The following TTC39C variants were observed in gnomAD, a reference collection of about 807,000 sequenced individuals.
The protein encoded by TTC39C is tetratricopeptide repeat domain 39C, also known as tetratricopeptide repeat protein 39C.
TTC39C carries 33 observed loss-of-function variants against 76.3 expected under a neutral mutation model. The observed-to-expected ratio is 0.43, with a 90% CI of 0.33 to 0.58. The LOEUF (loss-of-function observed/expected upper bound fraction) is 0.58. TTC39C is among the 20% of genes least tolerant of loss of function. The probability of loss-of-function intolerance (pLI) is 0.04; values close to 1 mark genes in which losing one functional copy is unlikely to be tolerated. For missense variants in TTC39C, 595 were observed against 701.4 expected, an observed-to-expected ratio of 0.85 and a Z score of 1.71; for synonymous variants, 254 against 260.6, an observed-to-expected ratio of 0.97 and a Z score of 0.24.
At chr18:24,000,099 T>C (rs1418019762) in intron 1 of TTC39C, among the ~76,000 whole-genome samples, 1 of 152,146 alleles carries the variant, frequency 6.6e-6, no homozygotes, top group East Asian at 1.9e-4. Flanking sequence ...CACCTCCCAG[T>C]GAGACCTCAC....
chr18:24,031,860 A>C lies in TTC39C; in HGVS notation c.167+16822A>C, dbSNP rs1480747037. Among the ~76,000 whole-genome samples the C allele has an allele frequency of 2.0e-5, 3 of 152,160 alleles. No homozygotes were observed. The East Asian group carries it at 5.8e-4, about 29-fold the overall frequency. On this transcript the variant is annotated intron_variant, in intron 1 of 13. Coordinates refer to ENST00000317571, the MANE Select transcript of TTC39C (RefSeq NM_001135993.2). ...TGCTACCTTGTAAGGAAAAGAATAAAAGGTGCCTTGCAGATGTGATTAAGT... is the reference window on the plus strand; with the variant it reads ...TGCTACCTTGTAAGGAAAAGAATAACAGGTGCCTTGCAGATGTGATTAAGT...
At chr18:24,046,094 A>G (rs949381392) in intron 1 of TTC39C, among the ~76,000 whole-genome samples, 1 of 151,060 alleles carries the variant, frequency 6.6e-6, no homozygotes, top group Non-Finnish European at 1.5e-5. Flanking sequence ...GCCCGCCACC[A>G]CACCCAGCTA....
At chr18:24,103,225 T>C (rs757025662) in intron 6 of TTC39C, among the ~76,000 whole-genome samples, 1 of 152,252 alleles carries the variant, frequency 6.6e-6, no homozygotes, top group Non-Finnish European at 1.5e-5. Context: ...TACAAAAGTA[T>C]GTCAAGGTAC....
Position 24,022,864 on chromosome 18 carries a change from CAG to C in TTC39C, c.167+7828_167+7829del, listed in dbSNP as rs2083533876. 16 of 985,292 alleles carry C rather than the reference CAG, an allele frequency of 1.6e-5. 1 individual carries two copies. The South Asian group carries it at 6.1e-4, about 38-fold the overall frequency. The allele number at this position is 985,292 out of a possible 1,614,324, so 61.0% of individuals were successfully genotyped here. On this transcript the variant is annotated intron_variant, in intron 1 of 13. Transcript: ENST00000317571. ...TCCAGCCAGGTATATCTTGCTCTTC[CAG>C]ACACGGCTCAGATTTTTAGCAAAAG...
intron 8 of TTC39C, among the ~76,000 whole-genome samples, chr18:24,122,958 G>A (rs142008203): frequency 1.3e-5 from 2 of 152,296 alleles, no homozygotes; most frequent in African/African-American, 2.4e-5. Flanking sequence ...CCCTATGTGC[G>A]TGTGTGAGCA....
intron 7 of TTC39C, among the ~76,000 whole-genome samples, chr18:24,115,253 C>T (rs1168293575): frequency 7.9e-5 from 12 of 152,184 alleles, no homozygotes; most frequent in African/African-American, 1.4e-4. Context: ...TTTATCTGCC[C>T]GAGATTTTCC....
chr18:24,064,057 CATG>C (rs2084135206), intron 1 of TTC39C, 80 bp from the exon 2 acceptor site: 1 of 1,560,256 alleles, frequency 6.4e-7, no homozygotes, highest in Non-Finnish European at 8.7e-7. Context: ...ATATGGTAAT[CATG>C]ATATGTCAAA....
At chr18:24,055,898 A>G (rs1459935571) in intron 1 of TTC39C, among the ~76,000 whole-genome samples, 1 of 152,182 alleles carries the variant, frequency 6.6e-6, no homozygotes. Flanking sequence ...AGCTTCATGC[A>G]TGTAGTTTTC....
intron 1 of TTC39C, among the ~76,000 whole-genome samples, chr18:24,024,660 CAG>C (rs2083575255): frequency 6.6e-6 from 1 of 152,140 alleles, no homozygotes; most frequent in Non-Finnish European, 1.5e-5. Context: ...TGTGTGCTGA[CAG>C]AGTGTCTCAG....
intron 6 of TTC39C, among the ~76,000 whole-genome samples, chr18:24,104,677 G>T (rs2084722260): frequency 7.3e-6 from 1 of 136,136 alleles, no homozygotes; most frequent in African/African-American, 2.9e-5. Context: ...AGCGCTTAGG[G>T]AGCAGGGTGT....
At chr18:24,030,415 T>G (rs2083652460) in intron 1 of TTC39C, among the ~76,000 whole-genome samples, 1 of 152,194 alleles carries the variant, frequency 6.6e-6, no homozygotes, top group East Asian at 1.9e-4. Flanking sequence ...TATTGAGACT[T>G]AGCAATAAAT....
At chr18:24,130,234 G>T in intron 11 of TTC39C, 79 bp from the exon 12 acceptor site, 1 of 641,218 alleles carries the variant, frequency 1.6e-6, no homozygotes, top group Non-Finnish European at 2.6e-6. Flanking sequence ...CCCCCTTCCC[G>T]CCCCCTCTTG....
intron 1 of TTC39C, among the ~76,000 whole-genome samples, chr18:23,995,388 C>T (rs905318261): frequency 1.3e-4 from 20 of 151,708 alleles, no homozygotes; most frequent in South Asian, 4.2e-4. Flanking sequence ...GAAAATCACG[C>T]GAATCCAGGA....
intron 6 of TTC39C, among the ~76,000 whole-genome samples, chr18:24,101,194 G>A (rs1435652234): frequency 6.6e-6 from 1 of 151,812 alleles, no homozygotes; most frequent in Non-Finnish European, 1.5e-5. Flanking sequence ...TACTTGAAAA[G>A]GATGAATTTT....
At chr18:24,018,707 G>A (rs538409271) in intron 1 of TTC39C, among the ~76,000 whole-genome samples, 13 of 152,178 alleles carry the variant, frequency 8.5e-5, no homozygotes, top group Middle Eastern at 3.4e-3. Context: ...TGGGAGGGGC[G>A]GGGCAAGGAG....
chr18:24,047,340 G>T (rs775050397), intron 1 of TTC39C, among the ~76,000 whole-genome samples: 4 of 151,852 alleles, frequency 2.6e-5, no homozygotes, highest in Non-Finnish European at 5.9e-5. Context: ...TGATCCACCC[G>T]CCTCAGCCTC....
At chr18:24,011,547 G>T (rs747088621), upstream of TTC39C, among the ~76,000 whole-genome samples, 9 of 152,124 alleles carry the variant, frequency 5.9e-5, no homozygotes, top group Non-Finnish European at 1.3e-4. Context: ...CAGGGATACA[G>T]CCTCATTTTG....
chr18:24,022,947 T>C (rs2083534949), intron 1 of TTC39C: 2 of 907,920 alleles, frequency 2.2e-6, no homozygotes, highest in African/African-American at 3.6e-5. Flanking sequence ...TATCCGGCAC[T>C]TGTGTTGCAT....
chr18:24,045,918 T>TGTAC (rs1568417444), intron 1 of TTC39C, among the ~76,000 whole-genome samples: 4,183 of 31,946 alleles, frequency 0.13, 169 homozygotes, highest in Non-Finnish European at 0.17. Flanking sequence ...TATATATATA[T>TGTAC]ATATATATAT....
Sources: allele counts gnomAD v4.1 joint callset (sites outside exome capture counted in the v4.1 genomes callset), GRCh38; gene constraint gnomAD v4.1.1; transcripts MANE v1.5; gene names NCBI Gene and HGNC (gene_info 2026-07-23, HGNC 2026-07-21).